The following CAAP1 variants were observed in gnomAD, a reference collection of about 807,000 sequenced individuals.
CAAP1 encodes the protein caspase activity and apoptosis inhibitor 1.
A neutral mutation model predicts 34.0 loss-of-function variants in CAAP1; 20 were observed. That is an observed-to-expected ratio of 0.59 (90% CI 0.41 to 0.86). CAAP1 has a LOEUF of 0.86. Among genes scored for constraint, CAAP1 ranks in the 40% least tolerant of loss-of-function variants. CAAP1 has a pLI of 0.00. For synonymous variants in CAAP1, 213 were observed against 166.7 expected (o/e 1.28, Z -2.14); for missense variants, 538 against 450.5 (o/e 1.19, Z -1.76).
intron 5 of CAAP1, among the ~76,000 whole-genome samples, chr9:26,845,809 A>G (rs1822586421): frequency 6.6e-6 from 1 of 152,080 alleles, no homozygotes; most frequent in Non-Finnish European, 1.5e-5. Context: ...CTTTTCTCCA[A>G]AAGATTATCT....
At chr9:26,885,252 T>A (rs1823708278) in intron 3 of CAAP1, among the ~76,000 whole-genome samples, 1 of 151,804 alleles carries the variant, frequency 6.6e-6, no homozygotes, top group South Asian at 2.1e-4. Flanking sequence ...AATTTTTGTA[T>A]TTTTAGTAGA....
intron 5 of CAAP1, among the ~76,000 whole-genome samples, chr9:26,848,590 C>G (rs1455123329): frequency 6.6e-6 from 1 of 152,182 alleles, no homozygotes; most frequent in African/African-American, 2.4e-5. Context: ...CAACAGAAAG[C>G]AAACCTATGC....
chr9:26,874,116 A>G (rs1472931439), intron 4 of CAAP1, among the ~76,000 whole-genome samples: 1 of 147,436 alleles, frequency 6.8e-6, no homozygotes, highest in African/African-American at 2.5e-5. Flanking sequence ...CTGAGGCAGG[A>G]GAATGGCGTG....
At position 26,892,651 on chromosome 9, in the gene CAAP1, G is replaced by T. The variant is rs1823941486; in HGVS notation, c.65C>A (p.Ala22Glu). Residue 22 changes from alanine (A) to glutamate (E), a missense_variant, in exon 1 of 6, where the codon GCG becomes GAG. By Grantham distance (107) the Ala-to-Glu change is moderately radical (BLOSUM62 -1). Around this residue, in one of 3 missense-constraint regions of CAAP1, gnomAD observed 514 missense variants for 408.4 expected, o/e 1.26. Transcript: ENST00000333916. The stretch of plus-strand genomic sequence containing the variant: ...GGGTACGATGTCCGGGGCCGCGAGC[G>T]CTGCGGCCGCCTCCTGACTGCTACG... ...RKRSSQEAAA[A>E]LAAPDIVPAL... 1 of 1,607,794 alleles carries T rather than the reference G, an allele frequency of 6.2e-7. No individual in the cohort carries two copies. Among genetic ancestry groups the T allele is most frequent in the Non-Finnish European group, 8.5e-7 (1 of 1,179,242 alleles).
chr9:26,842,973 T>C (rs899695680), intron 5 of CAAP1, among the ~76,000 whole-genome samples: 6 of 152,234 alleles, frequency 3.9e-5, no homozygotes, highest in Non-Finnish European at 7.3e-5. Flanking sequence ...GCTTCTGCAC[T>C]ACAAAATGAA....
chr9:26,843,367 A>C (rs1049078953), intron 5 of CAAP1, among the ~76,000 whole-genome samples: 4 of 152,310 alleles, frequency 2.6e-5, no homozygotes, highest in South Asian at 2.1e-4. Context: ...TTGGCATTGA[A>C]TACTACTCAA....
At chr9:26,843,235 G>A (rs1014774447) in intron 5 of CAAP1, among the ~76,000 whole-genome samples, 7 of 152,188 alleles carry the variant, frequency 4.6e-5, no homozygotes, top group South Asian at 4.1e-4. Flanking sequence ...TTTTAATGAC[G>A]AGGATTTTAA....
At chr9:26,871,145 G>A (rs1823265755) in intron 4 of CAAP1, among the ~76,000 whole-genome samples, 1 of 152,148 alleles carries the variant, frequency 6.6e-6, no homozygotes, top group South Asian at 2.1e-4. Context: ...CCCTCTGAAA[G>A]TTATTTATAC....
At chr9:26,891,199 C>CA (rs1823895749) in intron 1 of CAAP1, among the ~76,000 whole-genome samples, 1 of 152,140 alleles carries the variant, frequency 6.6e-6, no homozygotes, top group Admixed American at 6.5e-5. Context: ...GAATAATGAG[C>CA]AGAGGATATG....
At chr9:26,869,942 C>T in intron 4 of CAAP1, 3 of 984,536 alleles carry the variant, frequency 3.0e-6, no homozygotes, top group Non-Finnish European at 3.6e-6. Context: ...ATCATCTAAC[C>T]CAGTGCTTGA....
chr9:26,870,059 T>TTTA, intron 4 of CAAP1: 1 of 414,342 alleles, frequency 2.4e-6, no homozygotes, highest in Non-Finnish European at 3.2e-6. Context: ...TTTTTTTTTT[T>TTTA]AACGCAGATG....
intron 4 of CAAP1, among the ~76,000 whole-genome samples, chr9:26,878,478 C>A (rs956749840): frequency 3.9e-5 from 6 of 152,170 alleles, no homozygotes; most frequent in Admixed American, 6.5e-5. Flanking sequence ...ATCTACTCCC[C>A]AGTTTTTTCA....
At chr9:26,872,819 T>C (rs144165623) in intron 4 of CAAP1, among the ~76,000 whole-genome samples, 48 of 152,266 alleles carry the variant, frequency 3.2e-4, no homozygotes, top group African/African-American at 7.9e-4. Flanking sequence ...GTTCCATTTA[T>C]ACATATTGCC....
At chr9:26,850,080 G>A (rs905404291) in intron 5 of CAAP1, among the ~76,000 whole-genome samples, 6 of 151,914 alleles carry the variant, frequency 3.9e-5, no homozygotes, top group African/African-American at 1.2e-4. Context: ...CTCGTGATCC[G>A]CCCCCTTGGC....
At chr9:26,892,083 T>G (rs575214817) in intron 1 of CAAP1, among the ~76,000 whole-genome samples, 2 of 151,862 alleles carry the variant, frequency 1.3e-5, no homozygotes, top group South Asian at 4.2e-4. Flanking sequence ...AAGGGAGAAG[T>G]GTTTGGCTCG....
intron 3 of CAAP1, 99 bp downstream of exon 3, chr9:26,886,005 G>T: frequency 2.0e-6 from 1 of 510,084 alleles, no homozygotes; most frequent in Non-Finnish European, 3.4e-6. Flanking sequence ...ACCCAATAAT[G>T]AAATTAAATA....
In CAAP1 at chr9:26,864,719, T is replaced by C. The variant is rs138614205; in HGVS notation, c.666-3580A>G. 3.0e-4 allele frequency among the ~76,000 whole-genome samples: 45 copies of C among 152,360 alleles called. No homozygotes were observed. The East Asian group carries it at 8.3e-3, about 28-fold the overall frequency. On this transcript the variant is annotated intron_variant, in intron 4 of 5. Transcript: ENST00000333916. ...TGAGTATAGTATCTCTTCTTTGCTCTATCCCCATATTACTGTTTTAATGTC... is the reference window on the plus strand; with the variant it reads ...TGAGTATAGTATCTCTTCTTTGCTCCATCCCCATATTACTGTTTTAATGTC...
At chr9:26,844,510 G>A (rs1016414375) in intron 5 of CAAP1, among the ~76,000 whole-genome samples, 4 of 152,106 alleles carry the variant, frequency 2.6e-5, no homozygotes, top group Non-Finnish European at 5.9e-5. Flanking sequence ...ACAAATTTTT[G>A]AAAAATGTGA....
intron 4 of CAAP1, chr9:26,869,957 C>G (rs1394011036): frequency 1.0e-6 from 1 of 983,928 alleles, no homozygotes; most frequent in African/African-American, 1.8e-5. Flanking sequence ...GCTTGAGCAG[C>G]AGGATGAGGC....
Sources: gnomAD v4.1 joint callset for allele counts (sites outside exome capture counted in the v4.1 genomes callset) on GRCh38, gnomAD v4.1.1 for gene constraint, gnomAD v4.1.1 regional missense constraint, MANE v1.5 for transcripts, NCBI Gene and HGNC (gene_info 2026-07-23, HGNC 2026-07-21) for gene names.